The following UNC13C variants were observed in gnomAD, a reference collection of about 807,000 sequenced individuals.
The protein encoded by UNC13C is unc-13 homolog C.
A neutral mutation model predicts 245.4 loss-of-function variants in UNC13C; 174 were observed. That is an observed-to-expected ratio of 0.71 (90% CI 0.63 to 0.80). The LOEUF (loss-of-function observed/expected upper bound fraction) is 0.80. UNC13C is among the 30% of genes least tolerant of loss of function. The pLI, the probability that UNC13C is intolerant of heterozygous loss-of-function variation, is 0.00. For synonymous variants in UNC13C, 992 were observed against 895.1 expected, an observed-to-expected ratio of 1.11 and a Z score of -1.93; for missense variants, 2,829 against 2,602.9, an observed-to-expected ratio of 1.09 and a Z score of -1.89.
rs531318152 is a variant in UNC13C at position 54,213,917 on chromosome 15, G to T, written c.3072-21113G>T. Reference sequence around the variant, plus strand: ...GAAGTTTACCAGCCAAAGGCATTGAGATCACATATCCAAGGAGGCAAAGGC... The same window carrying T: ...GAAGTTTACCAGCCAAAGGCATTGATATCACATATCCAAGGAGGCAAAGGC... On this transcript the variant is annotated intron_variant, in intron 4 of 32. Coordinates refer to ENST00000260323, the MANE Select transcript of UNC13C (RefSeq NM_001080534.3). Among the ~76,000 whole-genome samples the T allele has an allele frequency of 2.6e-5, 4 of 152,104 alleles. No individual in the cohort carries two copies. In the East Asian group the frequency reaches 7.8e-4, roughly 29 times the overall value.
chr15:54,326,246 A>G (rs556114615), intron 14 of UNC13C, among the ~76,000 whole-genome samples: 4 of 152,184 alleles, frequency 2.6e-5, no homozygotes, highest in East Asian at 1.9e-4. Flanking sequence ...TTACAAAACA[A>G]TGGGCTGTGA....
In UNC13C at chr15:54,047,461, A is replaced by G. The variant is rs139383275; in HGVS notation, c.2983+31575A>G. 1.2e-3 allele frequency among the ~76,000 whole-genome samples: 175 copies of G among 151,990 alleles called. 1 individual carries two copies. Among genetic ancestry groups the G allele is most frequent in the African/African-American group, 4.0e-3 (164 of 41,466 alleles). On this transcript the variant is annotated intron_variant, in intron 2 of 32. Transcript: ENST00000260323. ...TCTGGTAAACACTGTTCTCCTTTCTATATGATCTTGCCTATGCTAGTACCT... is the reference window on the plus strand; with the variant it reads ...TCTGGTAAACACTGTTCTCCTTTCTGTATGATCTTGCCTATGCTAGTACCT...
Position 54,622,365 on chromosome 15 carries a change from C to A in UNC13C, c.6145C>A (p.His2049Asn). ...SKDAVGQISV[H>N]VDITATPGTG... is the part of the protein sequence containing the mutation. ...AGATGCCGTGGGTCAGATATCTGTT[C>A]ATGTGGACATCACTGCCACCCCAGG... is the stretch of plus-strand genomic sequence containing the variant. Residue 2049 changes from histidine (H) to asparagine (N), a missense_variant, in exon 31 of 33, where the codon CAT (histidine) becomes AAT (asparagine). His to Asn is a moderately conservative substitution (Grantham distance 68). Transcript: ENST00000260323. 1 of 1,613,312 alleles carries A rather than the reference C, an allele frequency of 6.2e-7. No individual in the cohort carries two copies. Among genetic ancestry groups the A allele is most frequent in the Non-Finnish European group, 8.5e-7 (1 of 1,179,480 alleles).
At chr15:54,286,813 C>T (rs553683992) in intron 10 of UNC13C, among the ~76,000 whole-genome samples, 25 of 152,208 alleles carry the variant, frequency 1.6e-4, no homozygotes, top group Admixed American at 6.5e-4. Context: ...AACACAGACA[C>T]ACATACAATA....
chr15:54,084,626 T>C (rs1280583397), intron 2 of UNC13C, among the ~76,000 whole-genome samples: 1 of 152,222 alleles, frequency 6.6e-6, no homozygotes, highest in Admixed American at 6.5e-5. Context: ...AAATGAGAGC[T>C]ATTAATATTT....
intron 17 of UNC13C, among the ~76,000 whole-genome samples, chr15:54,352,279 C>T (rs1313089434): frequency 6.8e-6 from 1 of 146,404 alleles, no homozygotes; most frequent in East Asian, 2.0e-4. Flanking sequence ...CACATATATA[C>T]ATTTATATAA....
At chr15:54,176,791 G>C (rs565159381) in intron 4 of UNC13C, among the ~76,000 whole-genome samples, 7 of 152,108 alleles carry the variant, frequency 4.6e-5, no homozygotes, top group African/African-American at 1.7e-4. Flanking sequence ...TAAAGTTTTG[G>C]TTCACTATGT....
chr15:53,916,391 T>C, the UNC13C span, among the ~76,000 whole-genome samples: 7 of 152,314 alleles, frequency 4.6e-5, no homozygotes, highest in Non-Finnish European at 1.0e-4. Context: ...TTCACTGAAA[T>C]ATCTTTACTC....
intron 2 of UNC13C, among the ~76,000 whole-genome samples, chr15:54,082,040 T>C (rs887831101): frequency 2.0e-5 from 3 of 152,214 alleles, no homozygotes; most frequent in Admixed American, 6.5e-5. Flanking sequence ...TTTTCACTTA[T>C]GGAGTTTAGT....
chr15:54,483,695 C>T (rs1255723364), intron 19 of UNC13C, among the ~76,000 whole-genome samples: 1 of 152,110 alleles, frequency 6.6e-6, no homozygotes, highest in African/African-American at 2.4e-5. Flanking sequence ...GGAGTTTCAC[C>T]CCGTCTGCCT....
chr15:54,410,896 C>T (rs576843107), intron 18 of UNC13C, among the ~76,000 whole-genome samples: 2 of 152,220 alleles, frequency 1.3e-5, no homozygotes, highest in Admixed American at 1.3e-4. Context: ...ATAAAAATGT[C>T]ATTTGCCAAA....
At chr15:54,213,978 T>C (rs1182979369) in intron 4 of UNC13C, among the ~76,000 whole-genome samples, 4 of 151,950 alleles carry the variant, frequency 2.6e-5, no homozygotes, top group African/African-American at 9.7e-5. Context: ...AATAACACAT[T>C]GCAAATTGAT....
chr15:54,301,659 G>A (rs537051025), intron 13 of UNC13C, among the ~76,000 whole-genome samples: 19 of 152,298 alleles, frequency 1.2e-4, no homozygotes, highest in African/African-American at 3.9e-4. Flanking sequence ...TGGTGCATAT[G>A]TGCCACATTT....
At chr15:54,616,043 T>G (rs1285503738) in intron 30 of UNC13C, among the ~76,000 whole-genome samples, 2 of 152,076 alleles carry the variant, frequency 1.3e-5, no homozygotes, top group Non-Finnish European at 2.9e-5. Flanking sequence ...ATATTTAAAG[T>G]TAGGATACCT....
chr15:54,068,466 C>T (rs186889031), intron 2 of UNC13C, among the ~76,000 whole-genome samples: 4 of 152,282 alleles, frequency 2.6e-5, no homozygotes, highest in Non-Finnish European at 5.9e-5. Context: ...GGAGCACAGA[C>T]ACATCCATTT....
chr15:54,587,371 G>GT (rs1481261599), intron 30 of UNC13C, among the ~76,000 whole-genome samples: 30 of 152,180 alleles, frequency 2.0e-4, no homozygotes, highest in Non-Finnish European at 3.8e-4. Flanking sequence ...AGAGTCTATT[G>GT]TAAGGAAACA....
At position 54,066,181 on chromosome 15, in the gene UNC13C, C is replaced by T. The variant is rs530527630; in HGVS notation, c.2983+50295C>T. On this transcript the variant is annotated intron_variant, in intron 2 of 32. Transcript: ENST00000260323. ...TTTTGTGGTGTCAATAAAAGATATG[C>T]ATGGATCATCTGAATTAATAAGTAA... Among the ~76,000 whole-genome samples, 5 of 152,280 alleles carry T rather than the reference C, an allele frequency of 3.3e-5. No homozygotes were observed. In the East Asian group the frequency reaches 5.8e-4, roughly 18 times the overall value.
At position 54,234,933 on chromosome 15, in the gene UNC13C, C is replaced by T. The variant is rs535244393; in HGVS notation, c.3072-97C>T. The T allele has an allele frequency of 2.9e-6, 3 of 1,030,276 alleles. No individual in the cohort carries two copies. In the African/African-American group the frequency reaches 4.8e-5, roughly 16 times the overall value. 63.8% of individuals were successfully genotyped at this position (1,030,276 alleles called of 1,614,324 possible). On this transcript the variant is annotated intron_variant, in intron 4 of 32. Transcript: ENST00000260323. ...CGTTTGAAAACTATGGTATCCAGGT[C>T]ATCTTTTTCACAGACTTTATACCAT...
At chr15:54,363,705 TATAGC>T (rs2039290166) in intron 17 of UNC13C, among the ~76,000 whole-genome samples, 1 of 152,186 alleles carries the variant, frequency 6.6e-6, no homozygotes, top group Non-Finnish European at 1.5e-5. Flanking sequence ...GTAGAACAGC[TATAGC>T]AACAGACTAT....
Sources: allele counts gnomAD v4.1 joint callset (sites outside exome capture counted in the v4.1 genomes callset), GRCh38; gene constraint gnomAD v4.1.1; transcripts MANE v1.5; gene names NCBI Gene and HGNC (gene_info 2026-07-23, HGNC 2026-07-21).